Variants in RNGTT observed in about 807,000 individuals in gnomAD.
The protein encoded by RNGTT is mRNA-capping enzyme.
Under a neutral mutation model 79.3 loss-of-function variants are expected in RNGTT, and 33 were observed. That is an observed-to-expected ratio of 0.42 (90% confidence interval 0.32 to 0.56). RNGTT has a LOEUF of 0.56. RNGTT is among the 20% of genes least tolerant of loss of function. The pLI, the probability that RNGTT is intolerant of heterozygous loss-of-function variation, is 0.17. For synonymous variants in RNGTT, 222 were observed against 235.9 expected (o/e 0.94, Z 0.54); for missense variants, 497 against 739.1 (o/e 0.67, Z 3.80).
At chr6:88,711,876 A>G (rs554933983) in intron 13 of RNGTT, among the ~76,000 whole-genome samples, 9 of 152,250 alleles carry the variant, frequency 5.9e-5, no homozygotes, top group Non-Finnish European at 1.2e-4. Flanking sequence ...GGCATTTATT[A>G]GAATGGAATT....
chr6:88,676,200 G>A lies in RNGTT; in HGVS notation c.1506+2153C>T, dbSNP rs577737356. On this transcript the variant is annotated intron_variant, in intron 14 of 15. Coordinates refer to ENST00000369485, the MANE Select transcript of RNGTT (RefSeq NM_003800.5). Reference sequence around the variant, plus strand: ...TCAATATAGTGTGGTTATTGGTAGAGGAATAAACACATAGGTCAATGGAAT... The same window carrying A: ...TCAATATAGTGTGGTTATTGGTAGAAGAATAAACACATAGGTCAATGGAAT... 3.0e-4 allele frequency among the ~76,000 whole-genome samples: 45 copies of A among 152,176 alleles called. 1 individual carries two copies. The East Asian group carries it at 7.9e-3, about 27-fold the overall frequency.
chr6:88,795,683 A>AT (rs1176266403), intron 12 of RNGTT, among the ~76,000 whole-genome samples: 1 of 149,456 alleles, frequency 6.7e-6, no homozygotes, highest in African/African-American at 2.4e-5. Context: ...TAAAAGTATA[A>AT]TTTTTTAAAA....
intron 13 of RNGTT, among the ~76,000 whole-genome samples, chr6:88,694,640 A>G (rs1255042534): frequency 6.6e-6 from 1 of 152,158 alleles, no homozygotes; most frequent in Non-Finnish European, 1.5e-5. Context: ...AGCCAAGGCA[A>G]TTTTGAGCAA....
At chr6:88,679,826 T>C (rs1775022180) in intron 13 of RNGTT, among the ~76,000 whole-genome samples, 1 of 152,204 alleles carries the variant, frequency 6.6e-6, no homozygotes, top group Non-Finnish European at 1.5e-5. Flanking sequence ...ATCACAAATC[T>C]TTTCATAATG....
chr6:88,663,643 C>T (rs1435670561), intron 14 of RNGTT, among the ~76,000 whole-genome samples: 1 of 152,140 alleles, frequency 6.6e-6, no homozygotes, highest in African/African-American at 2.4e-5. Context: ...AGAGGCTCCC[C>T]ACATCGAAGC....
rs958251929 is a variant in RNGTT, at chr6:88,930,976, T to C, written c.175-1709A>G. On this transcript the variant is annotated intron_variant, in intron 2 of 15. Transcript: ENST00000369485. The stretch of plus-strand genomic sequence containing the variant: ...AAGAAGATTCCCTAAACTGAAATGC[T>C]TGGGACTTGAAGTGTTCAAGATTTC... Among the ~76,000 whole-genome samples the C allele has an allele frequency of 1.3e-5, 2 of 152,078 alleles. 1 individual carries two copies. Among genetic ancestry groups the C allele is most frequent in the African/African-American group, 4.8e-5 (2 of 41,418 alleles).
chr6:88,714,049 G>T (rs898844891), intron 13 of RNGTT, among the ~76,000 whole-genome samples: 1 of 152,080 alleles, frequency 6.6e-6, no homozygotes. Context: ...AATGCTCTTG[G>T]ATAAGTCATA....
intron 1 of RNGTT, among the ~76,000 whole-genome samples, chr6:88,953,520 G>A (rs915842671): frequency 1.3e-5 from 2 of 152,172 alleles, no homozygotes; most frequent in African/African-American, 2.4e-5. Flanking sequence ...TGAGGAAGAA[G>A]AGAAACATAA....
At chr6:88,666,366 C>T (rs1046973826) in intron 14 of RNGTT, among the ~76,000 whole-genome samples, 12 of 152,168 alleles carry the variant, frequency 7.9e-5, no homozygotes, top group South Asian at 2.1e-4. Flanking sequence ...GGTTGGCCCC[C>T]GTGTTTGAGG....
chr6:88,745,201 G>A (rs1214449296), intron 13 of RNGTT, among the ~76,000 whole-genome samples: 1 of 152,170 alleles, frequency 6.6e-6, no homozygotes, highest in Non-Finnish European at 1.5e-5. Flanking sequence ...ACCTTTAACA[G>A]TGATGAAGGT....
chr6:88,940,950 T>C, intron 2 of RNGTT, 121 bp downstream of exon 2: 1 of 559,456 alleles, frequency 1.8e-6, no homozygotes, highest in Non-Finnish European at 3.1e-6. Flanking sequence ...GTACAATTAC[T>C]GCAACTTCCC....
chr6:88,961,947 A>C (rs1199449994), intron 1 of RNGTT, among the ~76,000 whole-genome samples: 1 of 152,246 alleles, frequency 6.6e-6, no homozygotes, highest in East Asian at 1.9e-4. Context: ...GTATACCCAG[A>C]ACAATAAACT....
chr6:88,635,142 AAC>A (rs1773053331), intron 14 of RNGTT, among the ~76,000 whole-genome samples: 1 of 152,088 alleles, frequency 6.6e-6, no homozygotes, highest in Non-Finnish European at 1.5e-5. Flanking sequence ...GGCAAAAATA[AAC>A]ACAGAAGCAA....
chr6:88,713,122 TG>T (rs1776375123), intron 13 of RNGTT, among the ~76,000 whole-genome samples: 3 of 152,068 alleles, frequency 2.0e-5, no homozygotes, highest in African/African-American at 7.2e-5. Flanking sequence ...CTCAAAGAGA[TG>T]GTATGAGGTG....
intron 10 of RNGTT, among the ~76,000 whole-genome samples, chr6:88,848,030 A>T (rs1270642648): frequency 6.6e-6 from 1 of 152,004 alleles, no homozygotes; most frequent in East Asian, 1.9e-4. Context: ...TAGGAAAAAC[A>T]GAAGATTGTA....
chr6:88,732,018 C>G (rs778942467), intron 13 of RNGTT, among the ~76,000 whole-genome samples: 1 of 151,988 alleles, frequency 6.6e-6, no homozygotes, highest in Admixed American at 6.6e-5. Context: ...GGTCTTCATC[C>G]TCATCATCTT....
At chr6:88,686,461 A>T (rs912613039) in intron 13 of RNGTT, among the ~76,000 whole-genome samples, 2 of 152,216 alleles carry the variant, frequency 1.3e-5, no homozygotes, top group Non-Finnish European at 2.9e-5. Context: ...AAACAACAAA[A>T]ATATTAAAAA....
intron 11 of RNGTT, among the ~76,000 whole-genome samples, chr6:88,808,516 T>C (rs549333680): frequency 2.6e-5 from 4 of 152,312 alleles, no homozygotes; most frequent in South Asian, 2.1e-4. Context: ...AGTAGTATGA[T>C]AGTAGATTTA....
intron 6 of RNGTT, among the ~76,000 whole-genome samples, chr6:88,892,976 C>T (rs1390321146): frequency 6.6e-6 from 1 of 152,024 alleles, no homozygotes; most frequent in African/African-American, 2.4e-5. Context: ...TTCTACTTTG[C>T]TTTCCTTAAA....
Sources: gnomAD v4.1 joint callset for allele counts (sites outside exome capture counted in the v4.1 genomes callset) on GRCh38, gnomAD v4.1.1 for gene constraint, MANE v1.5 for transcripts, NCBI Gene and HGNC (gene_info 2026-07-23, HGNC 2026-07-21) for gene names.